Variants in MAPK4 observed in about 807,000 individuals in gnomAD.
MAPK4 encodes the protein mitogen-activated protein kinase 4.
A neutral mutation model predicts 47.7 loss-of-function variants in MAPK4; 22 were observed. The ratio of observed to expected loss-of-function variants is 0.46; its 90% confidence interval spans 0.33 to 0.66. MAPK4 has a LOEUF of 0.66. MAPK4 is among the 30% of genes least tolerant of loss of function. MAPK4 has a pLI of 0.02. For missense variants in MAPK4, 736 were observed against 831.7 expected, an observed-to-expected ratio of 0.88 and a Z score of 1.42; for synonymous variants, 390 against 365.7, an observed-to-expected ratio of 1.07 and a Z score of -0.76.
chr18:50,664,218 A>G lies in MAPK4; in HGVS notation c.260A>G (p.Lys87Arg). 1.2e-6 allele frequency: 2 copies of G among 1,614,084 alleles called. No individual in the cohort carries two copies. The highest frequency in any genetic ancestry group is 1.7e-5 in the Admixed American group (1 of 60,012). The stretch of plus-strand genomic sequence containing the variant: ...AAAGTGTACGAGGTGCTCGGTCCCA[A>G]GGGCACTGACCTGCAGGGTGAGCTG... ...IVKVYEVLGP[K>R]GTDLQGELFK... Residue 87 changes from lysine (K) to arginine (R), a missense_variant, in exon 2 of 6, where the codon AAG becomes AGG. By Grantham distance (26) the Lys-to-Arg change is conservative. This residue lies in a region of MAPK4 where 327 missense variants were observed against 395.4 expected (regional missense o/e 0.83). Coordinates refer to ENST00000400384, the MANE Select transcript of MAPK4 (RefSeq NM_002747.4). The surrounding 1 kb of genome is among the most constrained non-coding windows in gnomAD (Gnocchi z 6.0).
At chr18:50,611,354 G>A (rs776179308) in intron 1 of MAPK4, among the ~76,000 whole-genome samples, 11 of 152,096 alleles carry the variant, frequency 7.2e-5, no homozygotes, top group South Asian at 2.1e-4. Flanking sequence ...TCTTCTTCCC[G>A]TCATGAGCCC....
chr18:50,722,205 T>TTTG, intron 4 of MAPK4, 106 bp downstream of exon 4: 2 of 1,275,790 alleles, frequency 1.6e-6, no homozygotes, highest in Non-Finnish European at 2.1e-6. Flanking sequence ...CAAAGCATGG[T>TTTG]CCTTGGATAT....
At chr18:50,725,531 G>GAC (rs1911144931) in intron 4 of MAPK4, among the ~76,000 whole-genome samples, 1 of 152,208 alleles carries the variant, frequency 6.6e-6, no homozygotes, top group Non-Finnish European at 1.5e-5. Context: ...AACCACCTCT[G>GAC]AGTGTGGCCC....
At position 50,649,273 on chromosome 18, in the gene MAPK4, A is replaced by G. The variant is rs73437786; in HGVS notation, c.-870-13816A>G. The stretch of plus-strand genomic sequence containing the variant: ...ACCCACTCCCACACTTGGGATCCTA[A>G]TTTGCAATTCAGGCAGTTGAAACTG... On this transcript the variant is annotated intron_variant, in intron 1 of 5. Coordinates refer to ENST00000400384, the MANE Select transcript of MAPK4 (RefSeq NM_002747.4). 4.3e-3 allele frequency among the ~76,000 whole-genome samples: 651 copies of G among 152,270 alleles called. 5 individuals carry two copies. Among genetic ancestry groups the G allele is most frequent in the African/African-American group, 0.015 (607 of 41,548 alleles).
At chr18:50,565,470 A>G (rs577578532) in intron 1 of MAPK4, among the ~76,000 whole-genome samples, 77 of 152,340 alleles carry the variant, frequency 5.1e-4, no homozygotes, top group African/African-American at 1.8e-3. Context: ...TAACAGGAGT[A>G]CGTTGATTCA....
intron 1 of MAPK4, among the ~76,000 whole-genome samples, chr18:50,612,450 C>T (rs548855654): frequency 9.9e-5 from 15 of 152,254 alleles, no homozygotes; most frequent in African/African-American, 3.6e-4. Flanking sequence ...AGGGAGCTCC[C>T]AGTATAGCGG....
Position 50,664,672 on chromosome 18 carries a change from C to T in MAPK4, c.546+168C>T, listed in dbSNP as rs1397887629. Among the ~76,000 whole-genome samples, 4 of 152,094 alleles carry T rather than the reference C, an allele frequency of 2.6e-5. No individual in the cohort carries two copies. The highest frequency in any genetic ancestry group is 1.9e-4 in the East Asian group (1 of 5,198). On this transcript the variant is annotated intron_variant, in intron 2 of 5. Coordinates refer to ENST00000400384, the MANE Select transcript of MAPK4 (RefSeq NM_002747.4). The surrounding 1 kb of genome is among the most constrained non-coding windows in gnomAD (Gnocchi z 6.0). ...CACTAGCCTGAAAAGTTGTTGGAGG[C>T]GTGGAGGGAGATCTGGTTCTTGGTC...
Position 50,627,075 on chromosome 18 carries a change from C to T in MAPK4, c.-870-36014C>T, listed in dbSNP as rs2042785386. 2.3e-5 allele frequency among the ~76,000 whole-genome samples: 3 copies of T among 129,866 alleles called. No individual in the cohort carries two copies. The South Asian group carries it at 8.8e-4, about 38-fold the overall frequency. The allele number at this position is 129,866 out of a possible 152,430, so 85.2% of individuals were successfully genotyped here. ...GCCCCCCGCCCACTCATCTTGGCCA[C>T]ATGGCCTCCATTTCCGCTCCTGCTT... On this transcript the variant is annotated intron_variant, in intron 1 of 5. Coordinates refer to ENST00000400384, the MANE Select transcript of MAPK4 (RefSeq NM_002747.4).
intron 1 of MAPK4, among the ~76,000 whole-genome samples, chr18:50,651,563 T>C (rs935837252): frequency 3.3e-5 from 5 of 152,256 alleles, no homozygotes; most frequent in African/African-American, 7.2e-5. Flanking sequence ...CCCTACCATG[T>C]GATCTCTGTG....
rs73430631 is a variant in MAPK4, at chr18:50,562,621, A to G, written c.-871+2378A>G. On this transcript the variant is annotated intron_variant, in intron 1 of 5. Coordinates refer to ENST00000400384, the MANE Select transcript of MAPK4 (RefSeq NM_002747.4). ...CTGGAATTAAATAGTTTTCCTGCTA[A>G]GAGATTTGATGAATCTGTTACTCTG... is the stretch of plus-strand genomic sequence containing the variant. Among the ~76,000 whole-genome samples the G allele has an allele frequency of 4.1e-3, 631 of 152,332 alleles. 2 individuals carry two copies. The highest frequency in any genetic ancestry group is 0.015 in the African/African-American group (613 of 41,568).
intron 1 of MAPK4, among the ~76,000 whole-genome samples, chr18:50,624,817 T>A (rs971144363): frequency 6.6e-5 from 10 of 152,146 alleles, no homozygotes; most frequent in African/African-American, 2.2e-4. Context: ...GGGCCCTGCC[T>A]GGTATGCCTG....
chr18:50,593,982 G>C (rs1355668401), intron 1 of MAPK4, among the ~76,000 whole-genome samples: 2 of 152,166 alleles, frequency 1.3e-5, no homozygotes, highest in Non-Finnish European at 2.9e-5. Context: ...TTCAAAAGCA[G>C]GGAAGCTGAT....
intron 1 of MAPK4, among the ~76,000 whole-genome samples, chr18:50,636,340 A>G (rs1196432234): frequency 6.6e-6 from 1 of 152,232 alleles, no homozygotes; most frequent in Non-Finnish European, 1.5e-5. Flanking sequence ...TGAAGCCCCA[A>G]GAGGGCAGGG....
At chr18:50,709,048 A>G (rs1214513002) in intron 2 of MAPK4, among the ~76,000 whole-genome samples, 1 of 152,206 alleles carries the variant, frequency 6.6e-6, no homozygotes, top group Non-Finnish European at 1.5e-5. Context: ...AGAGCCTCAG[A>G]GAACAAGCTT....
At chr18:50,657,355 G>C (rs958773514) in intron 1 of MAPK4, among the ~76,000 whole-genome samples, 5 of 152,214 alleles carry the variant, frequency 3.3e-5, no homozygotes, top group African/African-American at 9.7e-5. Context: ...CCAGGGACCA[G>C]GGAGCGCTAT....
In MAPK4 at chr18:50,729,848, G is replaced by T. The variant is rs1276345326; in HGVS notation, c.1758G>T (p.Arg586Ser). The stretch of plus-strand genomic sequence containing the variant: ...AGACCGAGGCCTTCTCCAAAGAAAG[G>T]TGGTGAGGGCGGAGGGGCCGCTCCA... ...LVQTEAFSKE[R>S]W The change falls in exon 6 of 6, where the codon AGG becomes AGT. Residue 586 changes from arginine (R) to serine (S), a missense_variant. Coordinates refer to ENST00000400384, the MANE Select transcript of MAPK4 (RefSeq NM_002747.4). The T allele has an allele frequency of 6.2e-7, 1 of 1,609,676 alleles. No individual in the cohort carries two copies. The highest frequency in any genetic ancestry group is 8.5e-7 in the Non-Finnish European group (1 of 1,178,276).
chr18:50,637,661 C>T (rs978570497), intron 1 of MAPK4, among the ~76,000 whole-genome samples: 3 of 152,218 alleles, frequency 2.0e-5, no homozygotes, highest in African/African-American at 7.2e-5. Context: ...CAGAATACCA[C>T]AGTCTGGGTG....
At chr18:50,711,258 A>G (rs1224355022) in intron 2 of MAPK4, among the ~76,000 whole-genome samples, 1 of 152,218 alleles carries the variant, frequency 6.6e-6, no homozygotes, top group Non-Finnish European at 1.5e-5. Context: ...AAAGCCTCCC[A>G]TGGGCTCTGC....
rs3794903 is a variant in MAPK4 at position 50,724,809 on chromosome 18, C to T, written c.854-1153C>T. 4.6e-5 allele frequency among the ~76,000 whole-genome samples: 7 copies of T among 152,318 alleles called. No individual in the cohort carries two copies. In the East Asian group the frequency reaches 9.6e-4, roughly 21 times the overall value. On this transcript the variant is annotated intron_variant, in intron 4 of 5. Coordinates refer to ENST00000400384, the MANE Select transcript of MAPK4 (RefSeq NM_002747.4). The stretch of plus-strand genomic sequence containing the variant: ...GGCTGAGGCCCACGAGGGAGCTCCT[C>T]GGAGGGATGGGCAGCCTGGGCCTTG...
Sources: gnomAD v4.1 joint callset for allele counts (sites outside exome capture counted in the v4.1 genomes callset) on GRCh38, gnomAD v4.1.1 for gene constraint, gnomAD v4.1.1 regional missense constraint, Gnocchi (gnomAD v3.1) non-coding constraint, MANE v1.5 for transcripts, NCBI Gene and HGNC (gene_info 2026-07-23, HGNC 2026-07-21) for gene names.